C2orf69: variants seen among roughly 807,000 people sequenced by gnomAD.
C2orf69 encodes the protein chromosome 2 open reading frame 69.
C2orf69 carries 19 observed loss-of-function variants against 29.5 expected under a neutral mutation model. The ratio of observed to expected loss-of-function variants is 0.65; its 90% CI spans 0.45 to 0.95. The LOEUF is 0.95. Among genes scored for constraint, C2orf69 ranks in the 40% least tolerant of loss-of-function variants. C2orf69 has a pLI of 0.00. For missense variants in C2orf69, 416 were observed against 482.1 expected, an observed-to-expected ratio of 0.86 and a Z score of 1.28; for synonymous variants, 194 against 180.0, an observed-to-expected ratio of 1.08 and a Z score of -0.62.
intron 1 of C2orf69, among the ~76,000 whole-genome samples, chr2:199,921,038 G>A (rs1574782383): frequency 2.6e-5 from 2 of 76,068 alleles, no homozygotes; most frequent in African/African-American, 1.0e-4. Flanking sequence ...GTGGAGTCTT[G>A]CTCTGTTACC....
intron 1 of C2orf69, 134 bp downstream of exon 1, chr2:199,911,905 C>G (rs1053419303): frequency 1.6e-6 from 2 of 1,282,834 alleles, no homozygotes; most frequent in East Asian, 2.6e-5. Flanking sequence ...GAGGGTGGCT[C>G]TTCCTCTACT....
chr2:199,916,995 T>A (rs2077294930), intron 1 of C2orf69, among the ~76,000 whole-genome samples: 1 of 152,236 alleles, frequency 6.6e-6, no homozygotes, highest in Non-Finnish European at 1.5e-5. Flanking sequence ...TGCCTGGACA[T>A]CCAGGTGTTT....
Position 199,926,099 on chromosome 2 carries a change from T to G in C2orf69, c.*213T>G. ...TAATTTGGATTGAGTTAGAATTAGT[T>G]AATTTGAAATCTAACAAGGTGGTTT... On this transcript the variant is annotated 3_prime_UTR_variant, in exon 2 of 2. Transcript: ENST00000319974. 2.0e-6 allele frequency: 1 copy of G among 493,070 alleles called. No individual in the cohort carries two copies. The highest frequency in any genetic ancestry group is 3.6e-6 in the Non-Finnish European group (1 of 276,716). The allele number at this position is 493,070 out of a possible 1,614,324, so 30.5% of individuals were successfully genotyped here.
At chr2:199,921,406 A>T (rs889960519) in intron 1 of C2orf69, among the ~76,000 whole-genome samples, 1 of 152,182 alleles carries the variant, frequency 6.6e-6, no homozygotes, top group African/African-American at 2.4e-5. Context: ...ATCACAGGAC[A>T]TGAACAGAAA....
intron 1 of C2orf69, among the ~76,000 whole-genome samples, chr2:199,917,520 G>T (rs2077297953): frequency 6.6e-6 from 1 of 152,172 alleles, no homozygotes; most frequent in Non-Finnish European, 1.5e-5. Flanking sequence ...GATCTCTGGG[G>T]CAGGGGCAGA....
At position 199,925,159 on chromosome 2, in the gene C2orf69, A is replaced by G. The variant is rs769473017; in HGVS notation, c.431A>G (p.Asn144Ser). 3.3e-5 allele frequency: 53 copies of G among 1,613,142 alleles called. No homozygotes were observed. The East Asian group carries it at 5.8e-4, about 18-fold the overall frequency. ...VATILAHRFP[N>S]SYIWVIKCSR... ...ACCATTTTAGCCCACCGGTTCCCCA[A>G]TAGTTATATTTGGGTGATAAAATGT... Residue 144 changes from asparagine to serine, a missense_variant, in exon 2 of 2, where the codon AAT becomes AGT. This residue lies in a region of C2orf69 where 225 missense variants were observed against 307.3 expected (regional missense o/e 0.73). Transcript: ENST00000319974. The surrounding 1 kb of genome is among the most constrained non-coding windows in gnomAD (Gnocchi z 4.9).
rs1326414278 is a variant in C2orf69, at chr2:199,926,469, A to T, written c.*583A>T. ...TTCCAAATGTCCACAAGTGTACAAT[A>T]GTGTAAAGGTGGTTTTTAAAAACAT... On this transcript the variant is annotated 3_prime_UTR_variant, in exon 2 of 2. Coordinates refer to ENST00000319974, the MANE Select transcript of C2orf69 (RefSeq NM_153689.6). The T allele has an allele frequency of 6.5e-6, 1 of 152,786 alleles. No individual in the cohort carries two copies. The highest frequency in any genetic ancestry group is 1.5e-5 in the Non-Finnish European group (1 of 68,472). The allele number at this position is 152,786 out of a possible 1,614,324, so 9.5% of individuals were successfully genotyped here. A position where few individuals can be genotyped will look rare whatever the true frequency, so the allele number is the denominator to read the frequency against.
chr2:199,926,908 G>C lies in C2orf69; in HGVS notation c.*1022G>C, dbSNP rs1475229768. The C allele has an allele frequency of 6.6e-6, 1 of 152,522 alleles. No individual in the cohort carries two copies. Among genetic ancestry groups the C allele is most frequent in the Admixed American group, 6.6e-5 (1 of 15,244 alleles). 9.4% of individuals were successfully genotyped at this position (152,522 alleles called of 1,614,324 possible). ...TAAATATATAATGCTCTATTTGTTAGAGCTCTATTAAAAAGGAAACAGATT... is the reference window on the plus strand; with the variant it reads ...TAAATATATAATGCTCTATTTGTTACAGCTCTATTAAAAAGGAAACAGATT... On this transcript the variant is annotated 3_prime_UTR_variant, in exon 2 of 2. Coordinates refer to ENST00000319974, the MANE Select transcript of C2orf69 (RefSeq NM_153689.6).
chr2:199,925,388 A>G lies in C2orf69; in HGVS notation c.660A>G (p.Arg220=), dbSNP rs367654597. 8 of 1,613,796 alleles carry G rather than the reference A, an allele frequency of 5.0e-6. No homozygotes were observed. The highest frequency in any genetic ancestry group is 6.8e-6 in the Non-Finnish European group (8 of 1,179,788). The change falls in exon 2 of 2, where the codon AGA becomes AGG. Residue 220 remains arginine (R), a synonymous_variant. Coordinates refer to ENST00000319974, the MANE Select transcript of C2orf69 (RefSeq NM_153689.6). The surrounding 1 kb of genome is among the most constrained non-coding windows in gnomAD (Gnocchi z 4.9). The part of the protein sequence containing the change: ...WNKDSIASNC[R]SSPSHTTNGC... ...AGGACTCCATAGCATCTAACTGTAG[A>G]TCCAGTCCTTCTCATACTACGAATG...
At chr2:199,913,695 CACTT>C (rs750610505) in intron 1 of C2orf69, among the ~76,000 whole-genome samples, 3 of 150,230 alleles carry the variant, frequency 2.0e-5, no homozygotes, top group Non-Finnish European at 4.4e-5. Context: ...AAAAAAAAGC[CACTT>C]ACTTACTTGG....
chr2:199,912,879 G>A (rs1237511981), intron 1 of C2orf69, among the ~76,000 whole-genome samples: 1 of 151,866 alleles, frequency 6.6e-6, no homozygotes, highest in Non-Finnish European at 1.5e-5. Context: ...GACTTCAAGT[G>A]ATCTGCCCAC....
intron 1 of C2orf69, among the ~76,000 whole-genome samples, chr2:199,917,062 T>G (rs776501139): frequency 6.6e-6 from 1 of 152,230 alleles, no homozygotes; most frequent in African/African-American, 2.4e-5. Context: ...CTTACTTTTA[T>G]GCACCCACAG....
intron 1 of C2orf69, among the ~76,000 whole-genome samples, chr2:199,913,763 G>A (rs904587404): frequency 2.6e-5 from 4 of 151,558 alleles, no homozygotes; most frequent in African/African-American, 9.7e-5. Context: ...GACTATGACT[G>A]CCAGAATAAT....
rs1295680179 is a variant in C2orf69 at position 199,926,995 on chromosome 2, C to T, written c.*1109C>T. The T allele has an allele frequency of 6.6e-6, 1 of 152,544 alleles. No homozygotes were observed. The highest frequency in any genetic ancestry group is 1.5e-5 in the Non-Finnish European group (1 of 68,014). The allele number at this position is 152,544 out of a possible 1,614,324, so 9.4% of individuals were successfully genotyped here. On this transcript the variant is annotated 3_prime_UTR_variant, in exon 2 of 2. Coordinates refer to ENST00000319974, the MANE Select transcript of C2orf69 (RefSeq NM_153689.6). ...TTTTGTCTGCCAAAAGAAAATAGCT[C>T]TCTTTGGCCAAAATGCAAAATTACA...
intron 1 of C2orf69, among the ~76,000 whole-genome samples, chr2:199,921,815 ATTATTT>A (rs2077317236): frequency 6.6e-6 from 1 of 151,746 alleles, no homozygotes; most frequent in Admixed American, 6.6e-5. Flanking sequence ...AATTTTAATG[ATTATTT>A]TTAATTGGTT....
chr2:199,921,286 G>A (rs1191903334), intron 1 of C2orf69, among the ~76,000 whole-genome samples: 1 of 151,982 alleles, frequency 6.6e-6, no homozygotes, highest in African/African-American at 2.4e-5. Context: ...GATTACAGAC[G>A]TGAGCTACTG....
Position 199,911,618 on chromosome 2 carries a change from G to T in C2orf69, c.180G>T (p.Val60=). The T allele has an allele frequency of 1.9e-6, 3 of 1,549,516 alleles. No individual in the cohort carries two copies. The highest frequency in any genetic ancestry group is 2.4e-5 in the South Asian group (2 of 83,986). ...GTCAGTGCCTGCAGCTTTCCACCGT[G>T]CCTGGAGCCGATCCGCAGCGCAGCA... ...RRRQCLQLST[V]PGADPQRSNE... is the part of the protein sequence containing the mutation. Residue 60 remains valine, a synonymous_variant, in exon 1 of 2, where the codon GTG becomes GTT. Coordinates refer to ENST00000319974, the MANE Select transcript of C2orf69 (RefSeq NM_153689.6).
At chr2:199,924,030 A>G (rs565642520) in intron 1 of C2orf69, among the ~76,000 whole-genome samples, 8 of 152,378 alleles carry the variant, frequency 5.3e-5, no homozygotes, top group Non-Finnish European at 1.2e-4. Context: ...TAAAAGGAAG[A>G]CAATTTATAT....
intron 1 of C2orf69, among the ~76,000 whole-genome samples, chr2:199,913,475 A>C (rs2077281796): frequency 3.8e-5 from 1 of 26,192 alleles, no homozygotes; most frequent in Non-Finnish European, 6.3e-5. Flanking sequence ...AATATATATT[A>C]TATAAAATAT....
Sources: gnomAD v4.1 joint callset for allele counts (sites outside exome capture counted in the v4.1 genomes callset) on GRCh38, gnomAD v4.1.1 for gene constraint, gnomAD v4.1.1 regional missense constraint, Gnocchi (gnomAD v3.1) non-coding constraint, MANE v1.5 for transcripts, NCBI Gene and HGNC (gene_info 2026-07-23, HGNC 2026-07-21) for gene names.